EYS: variants seen among roughly 807,000 people sequenced by gnomAD.
The protein encoded by EYS is EGF-like photoreceptor maintenance factor.
Under a neutral mutation model 282.1 loss-of-function variants are expected in EYS, and 250 were observed. The observed-to-expected ratio is 0.89, with a 90% CI of 0.80 to 0.98. The LOEUF is 0.98. Ranked by LOEUF, EYS falls within the 50% of genes least tolerant of loss-of-function variation. The pLI is 0.00. For missense variants in EYS, 4,016 were observed against 3,709.0 expected (o/e 1.08, Z -2.15); for synonymous variants, 1,355 against 1,282.9 (o/e 1.06, Z -1.20).
chr6:64,175,669 G>A (rs1226768085), intron 31 of EYS, among the ~76,000 whole-genome samples: 1 of 152,142 alleles, frequency 6.6e-6, no homozygotes, highest in East Asian at 1.9e-4. Context: ...GAAGCCCAGG[G>A]AATAGTAGGT....
At chr6:64,057,235 G>A (rs933203126) in intron 33 of EYS, among the ~76,000 whole-genome samples, 7 of 152,062 alleles carry the variant, frequency 4.6e-5, no homozygotes, top group African/African-American at 1.7e-4. Context: ...GAATAGTGTT[G>A]GGTGGAAAAG....
Position 65,479,057 on chromosome 6 carries a change from T to A in EYS, c.862+11537A>T, listed in dbSNP as rs1765508634. 2.0e-5 allele frequency among the ~76,000 whole-genome samples: 3 copies of A among 147,438 alleles called. No homozygotes were observed. In the South Asian group the frequency reaches 6.5e-4, roughly 32 times the overall value. The stretch of plus-strand genomic sequence containing the variant: ...TGAACTAAAATGAATAGAGCCTCAG[T>A]GACCAGTAGGAGAATTCTTAATCTA... On this transcript the variant is annotated intron_variant, in intron 5 of 42. Coordinates refer to ENST00000503581, the MANE Select transcript of EYS (RefSeq NM_001142800.2).
At position 65,282,920 on chromosome 6, in the gene EYS, T is replaced by G. The variant is rs1768264790; in HGVS notation, c.2023+12943A>C. On this transcript the variant is annotated intron_variant, in intron 12 of 42. Coordinates refer to ENST00000503581, the MANE Select transcript of EYS (RefSeq NM_001142800.2). ...TTAAATTGTTTCATTTCTCAAAAAG[T>G]TTCATGTAATTTAGCATATTTTCTC... 2.0e-5 allele frequency among the ~76,000 whole-genome samples: 3 copies of G among 152,066 alleles called. No homozygotes were observed. In the South Asian group the frequency reaches 6.2e-4, roughly 32 times the overall value.
intron 28 of EYS, among the ~76,000 whole-genome samples, chr6:64,404,112 T>C (rs1434183504): frequency 1.3e-5 from 2 of 152,164 alleles, no homozygotes; most frequent in African/African-American, 2.4e-5. Flanking sequence ...GTCACATAAT[T>C]AAGTTTGATA....
At chr6:65,440,606 A>G (rs1443530132) in intron 5 of EYS, among the ~76,000 whole-genome samples, 1 of 151,362 alleles carries the variant, frequency 6.6e-6, no homozygotes, top group South Asian at 2.1e-4. Flanking sequence ...CTTGTCTTTA[A>G]TGAGTCTTCC....
chr6:65,070,525 A>AT (rs758147988), intron 12 of EYS, among the ~76,000 whole-genome samples: 119 of 150,556 alleles, frequency 7.9e-4, no homozygotes, highest in African/African-American at 2.5e-3. Context: ...TGTAATTTTA[A>AT]TTTTTTTTTG....
At chr6:63,998,199 C>G (rs977833274) in intron 34 of EYS, among the ~76,000 whole-genome samples, 68 of 152,076 alleles carry the variant, frequency 4.5e-4, no homozygotes, top group African/African-American at 1.6e-3. Context: ...ATAAGATACT[C>G]AGCATCCTTC....
intron 12 of EYS, among the ~76,000 whole-genome samples, chr6:65,277,531 G>A (rs1165991040): frequency 1.3e-5 from 2 of 151,562 alleles, no homozygotes; most frequent in Non-Finnish European, 2.9e-5. Flanking sequence ...TCTGCATTCC[G>A]GGAAAGAACC....
chr6:65,625,866 T>C (rs1050256812), intron 2 of EYS, among the ~76,000 whole-genome samples: 4 of 152,236 alleles, frequency 2.6e-5, no homozygotes, highest in Non-Finnish European at 5.9e-5. Context: ...AACAATTGTC[T>C]ATCTAAAATT....
intron 2 of EYS, among the ~76,000 whole-genome samples, chr6:65,626,035 C>G (rs1582536717): frequency 6.6e-6 from 1 of 152,156 alleles, no homozygotes; most frequent in East Asian, 1.9e-4. Flanking sequence ...CAGATAGCAG[C>G]TTCCAGGTAG....
chr6:65,088,399 G>A (rs1021644179), intron 12 of EYS, among the ~76,000 whole-genome samples: 1 of 152,126 alleles, frequency 6.6e-6, no homozygotes, highest in African/African-American at 2.4e-5. Context: ...AAGTTCATCC[G>A]TAAGTGGTCT....
chr6:63,948,263 T>C (rs1041106645), intron 35 of EYS, among the ~76,000 whole-genome samples: 1 of 152,230 alleles, frequency 6.6e-6, no homozygotes, highest in South Asian at 2.1e-4. Flanking sequence ...TGAAGATGGA[T>C]ATGCCTTTTT....
Position 64,177,796 on chromosome 6 carries a change from C to T in EYS, c.6424+52796G>A, listed in dbSNP as rs550835024. On this transcript the variant is annotated intron_variant, in intron 31 of 42. Transcript: ENST00000503581. The stretch of plus-strand genomic sequence containing the variant: ...GATACTTTAGATGCAATTAAAGAGT[C>T]TTTAGTGGTCAGAAGTTCCACTTCA... Among the ~76,000 whole-genome samples, 358 of 152,192 alleles carry T rather than the reference C, an allele frequency of 2.4e-3. 1 individual carries two copies. Among genetic ancestry groups the T allele is most frequent in the African/African-American group, 8.2e-3 (342 of 41,546 alleles).
At chr6:63,763,954 C>A (rs1769717728) in intron 40 of EYS, among the ~76,000 whole-genome samples, 1 of 148,044 alleles carries the variant, frequency 6.8e-6, no homozygotes, top group South Asian at 2.1e-4. Flanking sequence ...CCCCCTCCGG[C>A]CTCCCTCCCT....
chr6:63,994,519 C>T (rs891413692), intron 34 of EYS, among the ~76,000 whole-genome samples: 4 of 151,838 alleles, frequency 2.6e-5, no homozygotes, highest in African/African-American at 7.2e-5. Flanking sequence ...GATGGGAGAG[C>T]TTCAGCAACA....
At chr6:64,234,848 A>T (rs1374341813) in intron 30 of EYS, among the ~76,000 whole-genome samples, 1 of 150,126 alleles carries the variant, frequency 6.7e-6, no homozygotes, top group Non-Finnish European at 1.5e-5. Context: ...TTCAAGGTTC[A>T]CCCATGTTGT....
intron 2 of EYS, among the ~76,000 whole-genome samples, chr6:65,606,902 T>G (rs1765817247): frequency 6.6e-6 from 1 of 151,780 alleles, no homozygotes; most frequent in East Asian, 1.9e-4. Flanking sequence ...TTTGCAATTT[T>G]GAATTTACTA....
At chr6:64,538,317 T>C (rs1370191568) in intron 26 of EYS, among the ~76,000 whole-genome samples, 1 of 152,220 alleles carries the variant, frequency 6.6e-6, no homozygotes, top group Non-Finnish European at 1.5e-5. Flanking sequence ...GCTTAAAATC[T>C]ATTGATAACT....
At chr6:65,649,361 T>C (rs909754969) in intron 1 of EYS, among the ~76,000 whole-genome samples, 1 of 151,918 alleles carries the variant, frequency 6.6e-6, no homozygotes. Flanking sequence ...TGAAAGTGTG[T>C]CCAATCTTAA....
Sources: allele counts gnomAD v4.1 joint callset (sites outside exome capture counted in the v4.1 genomes callset), GRCh38; gene constraint gnomAD v4.1.1; transcripts MANE v1.5; gene names NCBI Gene and HGNC (gene_info 2026-07-23, HGNC 2026-07-21).